Variants in DLC1 observed in about 807,000 individuals in gnomAD.
DLC1 encodes DLC1 Rho GTPase activating protein.
Under a neutral mutation model 140.3 loss-of-function variants are expected in DLC1, and 54 were observed. The observed-to-expected ratio is 0.38, with a 90% CI of 0.31 to 0.48. The LOEUF is 0.48. Among genes scored for constraint, DLC1 ranks in the 20% least tolerant of loss-of-function variants. The pLI is 0.96. For missense variants in DLC1, 2,536 were observed against 1,907.0 expected (o/e 1.33, Z -6.14); for synonymous variants, 986 against 728.1 (o/e 1.35, Z -5.70).
intron 5 of DLC1, among the ~76,000 whole-genome samples, chr8:13,176,454 C>T (rs1825764659): frequency 6.6e-6 from 1 of 152,118 alleles, no homozygotes; most frequent in African/African-American, 2.4e-5. Flanking sequence ...CAGCAGGTGC[C>T]TGTAGTCCCA....
chr8:13,578,979 G>C (rs958413689), intron 1 of DLC1, among the ~76,000 whole-genome samples: 28 of 151,826 alleles, frequency 1.8e-4, no homozygotes, highest in African/African-American at 6.8e-4. Context: ...TTACAGGTTG[G>C]TTCCTCTGGC....
chr8:13,533,855 C>G (rs916746506), intron 1 of DLC1, among the ~76,000 whole-genome samples: 1 of 152,136 alleles, frequency 6.6e-6, no homozygotes, highest in South Asian at 2.1e-4. Flanking sequence ...GTTTTTCTTG[C>G]TCTCTCTCTT....
At chr8:13,177,524 C>T (rs1343650856) in intron 5 of DLC1, among the ~76,000 whole-genome samples, 1 of 152,142 alleles carries the variant, frequency 6.6e-6, no homozygotes, top group Admixed American at 6.5e-5. Flanking sequence ...CCCTCACATT[C>T]CTGCGTAAGA....
chr8:13,210,992 A>G (rs552556522), intron 5 of DLC1, among the ~76,000 whole-genome samples: 2 of 152,254 alleles, frequency 1.3e-5, no homozygotes, highest in African/African-American at 2.4e-5. Flanking sequence ...CAAATAAATA[A>G]TGGGGGTGAG....
At chr8:13,103,372 T>G (rs1028757325) in intron 7 of DLC1, among the ~76,000 whole-genome samples, 7 of 151,904 alleles carry the variant, frequency 4.6e-5, no homozygotes, top group Non-Finnish European at 7.4e-5. Context: ...CTTTATGTTT[T>G]GTAAGTTTTT....
chr8:13,246,034 A>G (rs1829749276), intron 5 of DLC1, among the ~76,000 whole-genome samples: 1 of 152,108 alleles, frequency 6.6e-6, no homozygotes, highest in Non-Finnish European at 1.5e-5. Flanking sequence ...AAACAAGAAC[A>G]CTTTAAACAA....
chr8:13,396,898 G>A (rs923098264), intron 3 of DLC1, among the ~76,000 whole-genome samples: 3 of 152,038 alleles, frequency 2.0e-5, no homozygotes, highest in Non-Finnish European at 4.4e-5. Context: ...AATAAACCCT[G>A]GGTACTCATT....
intron 1 of DLC1, among the ~76,000 whole-genome samples, chr8:13,525,967 G>A (rs908798599): frequency 2.0e-5 from 3 of 152,078 alleles, no homozygotes; most frequent in Admixed American, 2.0e-4. Flanking sequence ...TTTACACCTA[G>A]GTTCTATGAC....
chr8:13,217,176 A>G (rs1828244818), intron 5 of DLC1, among the ~76,000 whole-genome samples: 1 of 152,148 alleles, frequency 6.6e-6, no homozygotes, highest in South Asian at 2.1e-4. Context: ...TTCTCTTACT[A>G]TTTGTATAGC....
At chr8:13,354,781 C>CAAA (rs755138534) in intron 4 of DLC1, among the ~76,000 whole-genome samples, 1 of 142,166 alleles carries the variant, frequency 7.0e-6, no homozygotes, top group Non-Finnish European at 1.5e-5. Context: ...CCCATCTCTA[C>CAAA]AAAAAATAAA....
chr8:13,290,957 G>T (rs1288372202), intron 5 of DLC1, among the ~76,000 whole-genome samples: 1 of 152,176 alleles, frequency 6.6e-6, no homozygotes, highest in African/African-American at 2.4e-5. Flanking sequence ...TGCCCAGGCT[G>T]GAGTGCAATG....
At chr8:13,226,850 G>A (rs968777997) in intron 5 of DLC1, among the ~76,000 whole-genome samples, 1 of 152,182 alleles carries the variant, frequency 6.6e-6, no homozygotes, top group African/African-American at 2.4e-5. Context: ...TTCTGGTTTA[G>A]TAGATTGTCC....
chr8:13,287,566 T>A (rs549921387), intron 5 of DLC1, among the ~76,000 whole-genome samples: 1 of 152,208 alleles, frequency 6.6e-6, no homozygotes, highest in Non-Finnish European at 1.5e-5. Context: ...AATTAAACCC[T>A]TGTTGGTATT....
At chr8:13,311,292 G>A (rs969444168) in intron 4 of DLC1, among the ~76,000 whole-genome samples, 4 of 152,108 alleles carry the variant, frequency 2.6e-5, no homozygotes, top group Non-Finnish European at 4.4e-5. Context: ...ATAACCCTGT[G>A]TACTATACCA....
chr8:13,524,050 A>G (rs1369569413), intron 1 of DLC1, among the ~76,000 whole-genome samples: 3 of 151,370 alleles, frequency 2.0e-5, no homozygotes, highest in Non-Finnish European at 4.4e-5. Flanking sequence ...ATTAGATATC[A>G]TGATTCAGTC....
intron 5 of DLC1, among the ~76,000 whole-genome samples, chr8:13,145,966 A>T (rs1383642823): frequency 6.6e-6 from 1 of 152,038 alleles, no homozygotes; most frequent in Non-Finnish European, 1.5e-5. Flanking sequence ...CTCATAATGT[A>T]TATATCATAG....
chr8:13,354,552 A>AAAATGCATT (rs1241628512), intron 4 of DLC1, among the ~76,000 whole-genome samples: 5 of 152,198 alleles, frequency 3.3e-5, no homozygotes, highest in Non-Finnish European at 1.5e-5. Flanking sequence ...TTGTTTGGTT[A>AAAATGCATT]AAATGCATTC....
At chr8:13,433,615 C>G (rs1310982318) in intron 2 of DLC1, among the ~76,000 whole-genome samples, 1 of 152,156 alleles carries the variant, frequency 6.6e-6, no homozygotes, top group East Asian at 1.9e-4. Flanking sequence ...ATTTCTGAAA[C>G]TCACAGACTG....
intron 5 of DLC1, among the ~76,000 whole-genome samples, chr8:13,278,002 G>C (rs925395842): frequency 6.6e-6 from 1 of 152,172 alleles, no homozygotes; most frequent in Non-Finnish European, 1.5e-5. Flanking sequence ...GTGAGATTGT[G>C]CTCATGAATT....
Sources: gnomAD v4.1 joint callset for allele counts (sites outside exome capture counted in the v4.1 genomes callset) on GRCh38, gnomAD v4.1.1 for gene constraint, MANE v1.5 for transcripts, NCBI Gene and HGNC (gene_info 2026-07-23, HGNC 2026-07-21) for gene names.